Variants in ANKS1B observed in about 807,000 individuals in gnomAD.
ANKS1B encodes the protein ankyrin repeat and sterile alpha motif domain-containing protein 1B.
In ANKS1B, 36 loss-of-function variants were observed where a neutral mutation model predicts 148.3. That is an observed-to-expected ratio of 0.24 (90% CI 0.19 to 0.32). ANKS1B has a LOEUF of 0.32. Among genes scored for constraint, ANKS1B ranks in the 10% least tolerant of loss-of-function variants. ANKS1B has a pLI of 1.00. For missense variants in ANKS1B, 1,157 were observed against 1,542.6 expected (o/e 0.75, Z 4.19); for synonymous variants, 542 against 560.8 (o/e 0.97, Z 0.47).
At chr12:99,277,054 T>G (rs987027045) in intron 12 of ANKS1B, among the ~76,000 whole-genome samples, 1 of 152,178 alleles carries the variant, frequency 6.6e-6, no homozygotes, top group African/African-American at 2.4e-5. Flanking sequence ...AGGGCTTACT[T>G]CCTAACCTGA....
chr12:99,672,151 A>G (rs1213663529), intron 8 of ANKS1B, among the ~76,000 whole-genome samples: 1 of 152,032 alleles, frequency 6.6e-6, no homozygotes, highest in Admixed American at 6.6e-5. Flanking sequence ...GAATACCTGA[A>G]CCACATCCTA....
chr12:99,510,509 G>A (rs73147352), intron 9 of ANKS1B, among the ~76,000 whole-genome samples: 8,128 of 152,026 alleles, frequency 0.053, 443 homozygotes, highest in East Asian at 0.29. Context: ...TAAATAGCAA[G>A]AGAACTGGAA....
intron 17 of ANKS1B, among the ~76,000 whole-genome samples, chr12:98,838,392 T>C (rs1055021917): frequency 2.0e-4 from 31 of 152,238 alleles, no homozygotes; most frequent in Non-Finnish European, 4.0e-4. Context: ...AATCCGTTTA[T>C]TGCCGGCTGG....
At chr12:99,967,920 AAAAG>A (rs2095507314) in intron 1 of ANKS1B, among the ~76,000 whole-genome samples, 1 of 151,774 alleles carries the variant, frequency 6.6e-6, no homozygotes, top group Non-Finnish European at 1.5e-5. Context: ...AAAAAAAAAA[AAAAG>A]AAAAAGAAAA....
At chr12:98,957,513 A>T (rs1406049505) in intron 17 of ANKS1B, among the ~76,000 whole-genome samples, 2 of 151,540 alleles carry the variant, frequency 1.3e-5, no homozygotes, top group African/African-American at 4.9e-5. Flanking sequence ...ACATCCAGTT[A>T]ATTTTTGTAT....
intron 1 of ANKS1B, among the ~76,000 whole-genome samples, chr12:99,969,991 G>A (rs1486872522): frequency 1.3e-5 from 2 of 152,096 alleles, no homozygotes; most frequent in Non-Finnish European, 2.9e-5. Flanking sequence ...TAAAAAAAGT[G>A]GCCTGTGTGA....
At chr12:99,864,067 G>A (rs373744182) in intron 1 of ANKS1B, among the ~76,000 whole-genome samples, 263 of 118,696 alleles carry the variant, frequency 2.2e-3, no homozygotes, top group African/African-American at 8.3e-3. Flanking sequence ...GCAACAGAGC[G>A]AGACTACATC....
chr12:99,828,826 T>C (rs1172812227), intron 1 of ANKS1B, among the ~76,000 whole-genome samples: 1 of 151,566 alleles, frequency 6.6e-6, no homozygotes, highest in East Asian at 2.0e-4. Context: ...CTACCAAAAA[T>C]ACAAAAATTA....
chr12:99,183,286 G>A (rs1017866911), intron 14 of ANKS1B, among the ~76,000 whole-genome samples: 3 of 152,178 alleles, frequency 2.0e-5, no homozygotes, highest in South Asian at 2.1e-4. Context: ...GTTGGATTGA[G>A]CTTATGCAGC....
At chr12:99,323,530 T>C (rs915713900) in intron 12 of ANKS1B, among the ~76,000 whole-genome samples, 2 of 152,174 alleles carry the variant, frequency 1.3e-5, no homozygotes, top group Admixed American at 1.3e-4. Flanking sequence ...ATGAAGAATA[T>C]TGAAAAGAGC....
chr12:99,462,406 C>G (rs1454339518), intron 10 of ANKS1B, among the ~76,000 whole-genome samples: 2 of 152,186 alleles, frequency 1.3e-5, no homozygotes, highest in Non-Finnish European at 2.9e-5. Flanking sequence ...CTTTGGATGG[C>G]TATATTGAGA....
At chr12:99,218,557 C>G (rs2084605937) in intron 14 of ANKS1B, among the ~76,000 whole-genome samples, 1 of 152,174 alleles carries the variant, frequency 6.6e-6, no homozygotes, top group African/African-American at 2.4e-5. Context: ...ACAGAAAATA[C>G]TGTCCCCAAC....
chr12:99,240,506 A>G (rs1208789443), intron 14 of ANKS1B, among the ~76,000 whole-genome samples: 1 of 152,222 alleles, frequency 6.6e-6, no homozygotes, highest in African/African-American at 2.4e-5. Flanking sequence ...CAGATCAATA[A>G]GAGAGAAAGT....
At chr12:99,550,696 TTTGCACACTTAGGTC>T (rs1370666165) in intron 9 of ANKS1B, among the ~76,000 whole-genome samples, 3 of 152,140 alleles carry the variant, frequency 2.0e-5, no homozygotes, top group Non-Finnish European at 4.4e-5. Flanking sequence ...AGTTATTTAT[TTTGCACACTTAGGTC>T]TAAGAACCCT....
At chr12:99,802,236 T>C (rs993516127) in intron 4 of ANKS1B, among the ~76,000 whole-genome samples, 6 of 152,206 alleles carry the variant, frequency 3.9e-5, no homozygotes, top group Non-Finnish European at 5.9e-5. Flanking sequence ...TAAAGTCTAA[T>C]TGGCTTAAGG....
At chr12:99,618,201 T>C (rs1472710006) in intron 9 of ANKS1B, among the ~76,000 whole-genome samples, 1 of 152,196 alleles carries the variant, frequency 6.6e-6, no homozygotes, top group African/African-American at 2.4e-5. Context: ...GTCTAGTCTG[T>C]CATCCATTTC....
At chr12:99,946,640 TG>T (rs1337538303) in intron 1 of ANKS1B, among the ~76,000 whole-genome samples, 1 of 152,136 alleles carries the variant, frequency 6.6e-6, no homozygotes, top group Non-Finnish European at 1.5e-5. Flanking sequence ...TATATCTGAG[TG>T]TTTTCTCCCA....
intron 8 of ANKS1B, among the ~76,000 whole-genome samples, chr12:99,655,601 C>T (rs1387772118): frequency 6.6e-6 from 1 of 152,086 alleles, no homozygotes; most frequent in Non-Finnish European, 1.5e-5. Context: ...GAAATGGGAA[C>T]TCCTGATAAA....
intron 17 of ANKS1B, among the ~76,000 whole-genome samples, chr12:99,022,660 G>T (rs1056681675): frequency 4.6e-5 from 7 of 151,924 alleles, no homozygotes; most frequent in African/African-American, 1.7e-4. Context: ...TCGAGGGTAT[G>T]TTGAAGTTTC....
Sources: allele counts gnomAD v4.1 joint callset (sites outside exome capture counted in the v4.1 genomes callset), GRCh38; gene constraint gnomAD v4.1.1; transcripts MANE v1.5; gene names NCBI Gene and HGNC (gene_info 2026-07-23, HGNC 2026-07-21).